FER: variants seen among roughly 807,000 people sequenced by gnomAD.
The protein encoded by FER is tyrosine-protein kinase Fer.
Under a neutral mutation model 111.0 loss-of-function variants are expected in FER, and 63 were observed. The observed-to-expected ratio is 0.57, with a 90% CI of 0.46 to 0.70. FER has a LOEUF of 0.70. Ranked by LOEUF, FER falls within the 30% of genes least tolerant of loss-of-function variation. The pLI, the probability that FER is intolerant of heterozygous loss-of-function variation, is 0.00. For synonymous variants in FER, 327 were observed against 313.9 expected (o/e 1.04, Z -0.44); for missense variants, 914 against 954.0 (o/e 0.96, Z 0.55).
chr5:108,974,055 C>T (rs1162078027), intron 13 of FER, among the ~76,000 whole-genome samples: 1 of 152,018 alleles, frequency 6.6e-6, no homozygotes, highest in Non-Finnish European at 1.5e-5. Context: ...TCGAGGAATC[C>T]CACAGCTCTT....
intron 10 of FER, among the ~76,000 whole-genome samples, chr5:108,911,514 G>C (rs1440239144): frequency 2.0e-5 from 3 of 151,958 alleles, no homozygotes; most frequent in African/African-American, 7.3e-5. Context: ...TTTGCTTTTG[G>C]GGTTGTTGTC....
intron 17 of FER, among the ~76,000 whole-genome samples, chr5:109,121,152 G>A (rs1161897200): frequency 1.3e-5 from 2 of 152,026 alleles, no homozygotes; most frequent in Non-Finnish European, 2.9e-5. Flanking sequence ...TAATGAAAGT[G>A]GGCATCCTTG....
chr5:108,844,756 T>G (rs191025591), intron 5 of FER, among the ~76,000 whole-genome samples: 1 of 151,848 alleles, frequency 6.6e-6, no homozygotes, highest in African/African-American at 2.4e-5. Context: ...AGGAACCATA[T>G]AGTACACACT....
At chr5:109,171,841 C>A (rs1757121510) in intron 17 of FER, among the ~76,000 whole-genome samples, 1 of 152,110 alleles carries the variant, frequency 6.6e-6, no homozygotes, top group Non-Finnish European at 1.5e-5. Context: ...TTGCTTAAGA[C>A]AGAGCTCAGT....
chr5:108,878,369 G>A (rs1458600883), intron 8 of FER, among the ~76,000 whole-genome samples: 1 of 151,974 alleles, frequency 6.6e-6, no homozygotes, highest in Admixed American at 6.6e-5. Flanking sequence ...TTTAACTCAT[G>A]AAGAAAGTGT....
chr5:108,792,739 G>T lies in FER; in HGVS notation c.-59-5385G>T, dbSNP rs1371980467. Among the ~76,000 whole-genome samples, 4 of 151,110 alleles carry T rather than the reference G, an allele frequency of 2.6e-5. No homozygotes were observed. In the East Asian group the frequency reaches 7.7e-4, roughly 29 times the overall value. On this transcript the variant is annotated intron_variant, in intron 2 of 19. Transcript: ENST00000281092. The stretch of plus-strand genomic sequence containing the variant: ...ATTCTTTTTTGGTGCTTTTGTAATA[G>T]AATTGTTTTCTAATTTCATTTTTGG...
intron 13 of FER, among the ~76,000 whole-genome samples, chr5:108,982,643 G>T (rs536107235): frequency 1.8e-4 from 27 of 152,014 alleles, no homozygotes; most frequent in Non-Finnish European, 4.0e-4. Flanking sequence ...ATTCTGAAGT[G>T]ATTTGAAACA....
At chr5:108,938,092 G>A (rs1378736854) in intron 10 of FER, among the ~76,000 whole-genome samples, 1 of 149,680 alleles carries the variant, frequency 6.7e-6, no homozygotes, top group Admixed American at 6.7e-5. Flanking sequence ...AAGGGCTGAT[G>A]GGAAAGAACC....
At chr5:109,015,584 G>C (rs747863172) in intron 13 of FER, among the ~76,000 whole-genome samples, 1 of 151,928 alleles carries the variant, frequency 6.6e-6, no homozygotes, top group African/African-American at 2.4e-5. Flanking sequence ...AAATAGATCA[G>C]TATAATCCAA....
rs530861905 is a variant in FER at position 108,797,093 on chromosome 5, C to G, written c.-59-1031C>G. On this transcript the variant is annotated intron_variant, in intron 2 of 19. Transcript: ENST00000281092. ...GCTCTTAAGTCAGCAGGTGATGAAG[C>G]CTGCCGGGACTGGGTCCTCCCTTTC... is the stretch of plus-strand genomic sequence containing the variant. Among the ~76,000 whole-genome samples, 3 of 152,030 alleles carry G rather than the reference C, an allele frequency of 2.0e-5. No homozygotes were observed. In the South Asian group the frequency reaches 6.2e-4, roughly 32 times the overall value.
chr5:108,927,250 C>CTTTTTTTTTTTTTTTTTTTTTTTTT lies in FER; in HGVS notation c.1237-18879_1237-18878insTTTTTTTTTTTTTTTTTTTTTTTTT, dbSNP rs773963733. Among the ~76,000 whole-genome samples, 5 of 95,374 alleles carry CTTTTTTTTTTTTTTTTTTTTTTTTT rather than the reference C, an allele frequency of 5.2e-5. 1 individual carries two copies. Among genetic ancestry groups the CTTTTTTTTTTTTTTTTTTTTTTTTT allele is most frequent in the African/African-American group, 7.4e-5 (1 of 13,484 alleles). The allele number at this position is 95,374 out of a possible 152,430, so 62.6% of individuals were successfully genotyped here. On this transcript the variant is annotated intron_variant, in intron 10 of 19. Transcript: ENST00000281092. The stretch of plus-strand genomic sequence containing the variant: ...CATGTAATTCAGCATTGAGAAGTGG[C>CTTTTTTTTTTTTTTTTTTTTTTTTT]TCTTTTTTTTTTTTTTTTTTTGAGA...
intron 4 of FER, among the ~76,000 whole-genome samples, chr5:108,834,202 C>G (rs556824368): frequency 6.6e-6 from 1 of 152,204 alleles, no homozygotes; most frequent in South Asian, 2.1e-4. Flanking sequence ...ATTCCTTCAT[C>G]TTTAATTTTT....
At chr5:108,773,879 A>G (rs1753195496) in intron 2 of FER, among the ~76,000 whole-genome samples, 1 of 152,106 alleles carries the variant, frequency 6.6e-6, no homozygotes, top group Non-Finnish European at 1.5e-5. Flanking sequence ...CTTTTTAATA[A>G]TAACCATTCT....
intron 10 of FER, among the ~76,000 whole-genome samples, chr5:108,922,631 T>A (rs1222968556): frequency 6.6e-6 from 1 of 152,110 alleles, no homozygotes; most frequent in Non-Finnish European, 1.5e-5. Flanking sequence ...AAAAAATAAA[T>A]AAGTGAAACC....
At chr5:108,801,818 C>T (rs1756685775) in intron 3 of FER, among the ~76,000 whole-genome samples, 1 of 152,098 alleles carries the variant, frequency 6.6e-6, no homozygotes, top group African/African-American at 2.4e-5. Context: ...TCCAAATTAC[C>T]GGCATCACTA....
intron 3 of FER, among the ~76,000 whole-genome samples, chr5:108,805,198 C>T (rs374123431): frequency 1.3e-5 from 2 of 151,902 alleles, no homozygotes; most frequent in African/African-American, 2.4e-5. Flanking sequence ...TCATGAGATC[C>T]GATGGTTTTA....
chr5:109,032,024 T>A (rs2149864521), intron 13 of FER, among the ~76,000 whole-genome samples: 1 of 152,334 alleles, frequency 6.6e-6, no homozygotes, highest in Admixed American at 6.5e-5. Context: ...TACATGAGTC[T>A]AATGGAATAT....
At chr5:108,798,459 C>G in intron 3 of FER, 70 bp downstream of exon 3, 1 of 1,164,422 alleles carries the variant, frequency 8.6e-7, no homozygotes, top group South Asian at 1.4e-5. Flanking sequence ...ATAGCTCAAA[C>G]TATTGAATGA....
chr5:109,074,282 A>C (rs750618981), intron 16 of FER, among the ~76,000 whole-genome samples: 2 of 152,234 alleles, frequency 1.3e-5, no homozygotes, highest in African/African-American at 4.8e-5. Context: ...TTCAGTTGCT[A>C]CTTGTCAGGA....
Sources: gnomAD v4.1 joint callset for allele counts (sites outside exome capture counted in the v4.1 genomes callset) on GRCh38, gnomAD v4.1.1 for gene constraint, MANE v1.5 for transcripts, NCBI Gene and HGNC (gene_info 2026-07-23, HGNC 2026-07-21) for gene names.